NCAM2: variants seen among roughly 807,000 people sequenced by gnomAD.
The protein encoded by NCAM2 is neural cell adhesion molecule 2, also known as N-CAM-2.
A neutral mutation model predicts 98.1 loss-of-function variants in NCAM2; 30 were observed. The observed-to-expected ratio is 0.31, with a 90% CI of 0.23 to 0.41. The LOEUF (loss-of-function observed/expected upper bound fraction) is 0.41, where lower values mean the gene tolerates loss of function less well. NCAM2 is among the 10% of genes least tolerant of loss of function. The probability of loss-of-function intolerance (pLI) is 1.00; values close to 1 mark genes in which losing one functional copy is unlikely to be tolerated. For missense variants in NCAM2, 867 were observed against 1,005.8 expected (o/e 0.86, Z 1.87); for synonymous variants, 368 against 342.4 (o/e 1.07, Z -0.83).
intron 1 of NCAM2, among the ~76,000 whole-genome samples, chr21:21,209,853 A>T (rs2069580946): frequency 1.3e-5 from 2 of 152,170 alleles, no homozygotes; most frequent in South Asian, 4.1e-4. Flanking sequence ...TACTTGCCAC[A>T]TTATTACTTT....
chr21:21,275,880 A>G (rs987371164), intron 1 of NCAM2, among the ~76,000 whole-genome samples: 1 of 152,114 alleles, frequency 6.6e-6, no homozygotes, highest in African/African-American at 2.4e-5. Context: ...GTTTTTATTT[A>G]TAAGTAATTT....
At position 21,486,673 on chromosome 21, in the gene NCAM2, AT is replaced by A. The variant is rs1455097718; in HGVS notation, c.2077+9209del. Among the ~76,000 whole-genome samples, 3 of 152,106 alleles carry A rather than the reference AT, an allele frequency of 2.0e-5. No homozygotes were observed. The South Asian group carries it at 6.2e-4, about 31-fold the overall frequency. ...GATCTTGACTTAGGAATGACAAAAT[AT>A]TTTTTTGGAGATCACGGAATACTTA... On this transcript the variant is annotated intron_variant, in intron 15 of 17. Coordinates refer to ENST00000400546, the MANE Select transcript of NCAM2 (RefSeq NM_004540.5).
chr21:21,324,439 G>A lies in NCAM2; in HGVS notation c.676G>A (p.Glu226Lys), dbSNP rs756475130. The A allele has an allele frequency of 6.8e-6, 11 of 1,613,668 alleles. No homozygotes were observed. The highest frequency in any genetic ancestry group is 1.3e-5 in the African/African-American group (1 of 74,880). The change falls in exon 6 of 18, where the codon GAA becomes AAA. Residue 226 changes from glutamate to lysine, a missense_variant. Glu to Lys is a moderately conservative substitution (Grantham distance 56). This residue lies in a region of NCAM2 where 447 missense variants were observed against 495.7 expected (regional missense o/e 0.90). Transcript: ENST00000400546. ...TTTTAATGCCACAGCAGAGAGAGGA[G>A]AAGAAATGACATTTTCCTGCAGGGC... is the stretch of plus-strand genomic sequence containing the variant. ...KSFNATAERGEEMTFSCRASG... is the reference protein window; with the variant it reads ...KSFNATAERGKEMTFSCRASG...
At chr21:21,316,348 A>G (rs1025951769) in intron 5 of NCAM2, among the ~76,000 whole-genome samples, 2 of 152,100 alleles carry the variant, frequency 1.3e-5, no homozygotes, top group African/African-American at 4.8e-5. Flanking sequence ...TACATGTGCC[A>G]TGTTGGTGTG....
chr21:21,174,592 A>C (rs1260317082), intron 1 of NCAM2, among the ~76,000 whole-genome samples: 1 of 152,138 alleles, frequency 6.6e-6, no homozygotes, highest in Non-Finnish European at 1.5e-5. Flanking sequence ...AATAAGTATA[A>C]ATTTTATTTT....
At chr21:21,197,946 C>T (rs913198137) in intron 1 of NCAM2, among the ~76,000 whole-genome samples, 3 of 152,180 alleles carry the variant, frequency 2.0e-5, no homozygotes, top group African/African-American at 7.2e-5. Context: ...TTTACTGTTA[C>T]TATGACTGGA....
intron 1 of NCAM2, among the ~76,000 whole-genome samples, chr21:21,201,989 G>A (rs2069241657): frequency 6.6e-6 from 1 of 152,120 alleles, no homozygotes; most frequent in Non-Finnish European, 1.5e-5. Flanking sequence ...TCTGGGATGA[G>A]GTCTATGCAT....
intron 1 of NCAM2, among the ~76,000 whole-genome samples, chr21:21,065,929 A>T (rs1297595871): frequency 6.6e-6 from 1 of 152,086 alleles, no homozygotes; most frequent in East Asian, 1.9e-4. Flanking sequence ...AAAATTAAGC[A>T]CTCCCCAATG....
intron 1 of NCAM2, among the ~76,000 whole-genome samples, chr21:21,055,199 G>A (rs1427715630): frequency 6.6e-6 from 1 of 151,810 alleles, no homozygotes; most frequent in East Asian, 1.9e-4. Context: ...AGAACTTAAA[G>A]TATAATAATA....
At chr21:21,043,802 C>T (rs1417513934) in intron 1 of NCAM2, among the ~76,000 whole-genome samples, 5 of 141,190 alleles carry the variant, frequency 3.5e-5, no homozygotes, top group East Asian at 2.1e-4. Flanking sequence ...TACAGTGAGC[C>T]GAGTTCGTGC....
intron 1 of NCAM2, among the ~76,000 whole-genome samples, chr21:21,253,847 C>G (rs553584278): frequency 1.2e-3 from 182 of 152,220 alleles, no homozygotes; most frequent in African/African-American, 4.3e-3. Context: ...CAGTAGGTAA[C>G]GAGCCTAGAT....
At chr21:21,268,399 T>G (rs2072366054) in intron 1 of NCAM2, among the ~76,000 whole-genome samples, 1 of 152,200 alleles carries the variant, frequency 6.6e-6, no homozygotes, top group South Asian at 2.1e-4. Flanking sequence ...GCTTCTCTTT[T>G]GGACTTACTG....
intron 15 of NCAM2, among the ~76,000 whole-genome samples, chr21:21,492,685 TTTTTA>T (rs1233368836): frequency 1.3e-5 from 2 of 151,894 alleles, no homozygotes; most frequent in Non-Finnish European, 2.9e-5. Context: ...ATATGCATCC[TTTTTA>T]TTTTAAGAAT....
At position 21,201,008 on chromosome 21, in the gene NCAM2, A is replaced by G. The variant is rs1464194965; in HGVS notation, c.56-79570A>G. On this transcript the variant is annotated intron_variant, in intron 1 of 17. Coordinates refer to ENST00000400546, the MANE Select transcript of NCAM2 (RefSeq NM_004540.5). Reference sequence around the variant, plus strand: ...GAGAATACTTTTTTATGATTTTAATATATATTTTCACTTTCAAAGCAGTTT... The same window carrying G: ...GAGAATACTTTTTTATGATTTTAATGTATATTTTCACTTTCAAAGCAGTTT... Among the ~76,000 whole-genome samples, 4 of 152,214 alleles carry G rather than the reference A, an allele frequency of 2.6e-5. No homozygotes were observed. The East Asian group carries it at 7.7e-4, about 29-fold the overall frequency.
chr21:21,376,500 T>C (rs1206119670), intron 9 of NCAM2, among the ~76,000 whole-genome samples: 1 of 151,766 alleles, frequency 6.6e-6, no homozygotes, highest in Non-Finnish European at 1.5e-5. Context: ...ATGAATAAAA[T>C]ATCAAATTAA....
intron 12 of NCAM2, among the ~76,000 whole-genome samples, chr21:21,457,939 A>G (rs1023201052): frequency 1.3e-5 from 2 of 152,206 alleles, no homozygotes; most frequent in Non-Finnish European, 2.9e-5. Flanking sequence ...GACATTTGAT[A>G]TAGAGATTGA....
chr21:21,390,620 A>C (rs997983020), intron 9 of NCAM2, among the ~76,000 whole-genome samples: 15 of 152,174 alleles, frequency 9.9e-5, no homozygotes, highest in African/African-American at 3.6e-4. Context: ...CAAATAACAT[A>C]TTCAGTATAT....
intron 9 of NCAM2, among the ~76,000 whole-genome samples, chr21:21,393,210 T>G (rs1294353879): frequency 6.6e-6 from 1 of 152,122 alleles, no homozygotes; most frequent in Non-Finnish European, 1.5e-5. Flanking sequence ...GGAATCCTTT[T>G]CCCATTGCTT....
intron 8 of NCAM2, among the ~76,000 whole-genome samples, chr21:21,342,971 T>A (rs1012048256): frequency 6.6e-6 from 1 of 152,286 alleles, no homozygotes; most frequent in Middle Eastern, 3.4e-3. Flanking sequence ...CTCTGCATAG[T>A]GCATGCCCGT....
Sources: allele counts gnomAD v4.1 joint callset (sites outside exome capture counted in the v4.1 genomes callset), GRCh38; gene constraint gnomAD v4.1.1; regional missense constraint gnomAD v4.1.1; transcripts MANE v1.5; gene names NCBI Gene and HGNC (gene_info 2026-07-23, HGNC 2026-07-21).